The following RDM1 variants were observed in gnomAD, a reference collection of about 807,000 sequenced individuals.
RDM1 encodes the protein RAD52 motif containing 1.
A neutral mutation model predicts 27.7 loss-of-function variants in RDM1; 28 were observed. The observed-to-expected ratio is 1.01, with a 90% CI of 0.75 to 1.39. The LOEUF (loss-of-function observed/expected upper bound fraction) is 1.39, where lower values mean the gene tolerates loss of function less well. Ranked by LOEUF, RDM1 falls within the 40% of genes most tolerant of loss-of-function variation. The pLI is 0.00. For synonymous variants in RDM1, 124 were observed against 127.5 expected (o/e 0.97, Z 0.19); for missense variants, 277 against 337.3 (o/e 0.82, Z 1.40).
chr17:35,930,354 G>A (rs2089286787), intron 1 of RDM1, 99 bp from the exon 2 acceptor site: 2 of 1,459,866 alleles, frequency 1.4e-6, no homozygotes, highest in East Asian at 4.6e-5. Flanking sequence ...CGAAGGATGC[G>A]ATTCAAAACA....
intron 2 of RDM1, among the ~76,000 whole-genome samples, chr17:35,927,133 A>T (rs1192555324): frequency 7.9e-5 from 12 of 151,340 alleles, no homozygotes; most frequent in Non-Finnish European, 1.8e-4. Context: ...AAAAAAAAAA[A>T]AAAAAAAGAA....
In RDM1 at chr17:35,920,280, A is replaced by G; in HGVS notation, c.668-8T>C. ...CAGCTATTTTACCACTTTCTGAAAT[A>G]AAGTTAGCGAGGATCAATTCAGAAT... On this transcript the variant is annotated splice_polypyrimidine_tract_variant and splice_region_variant and intron_variant, in intron 5 of 6. Transcript: ENST00000620284. 6 of 1,460,740 alleles carry G rather than the reference A, an allele frequency of 4.1e-6. No individual in the cohort carries two copies. Among genetic ancestry groups the G allele is most frequent in the Non-Finnish European group, 3.8e-6 (4 of 1,051,464 alleles). The allele number at this position is 1,460,740 out of a possible 1,614,324, so 90.5% of individuals were successfully genotyped here.
At position 35,924,590 on chromosome 17, in the gene RDM1, C is replaced by T. The variant is rs1474454171; in HGVS notation, c.568+14G>A. The T allele has an allele frequency of 1.2e-6, 2 of 1,604,566 alleles. No homozygotes were observed. Among genetic ancestry groups the T allele is most frequent in the Non-Finnish European group, 1.7e-6 (2 of 1,173,348 alleles). On this transcript the variant is annotated intron_variant, in intron 4 of 6. Transcript: ENST00000620284. ...CCAAATCCCTACCCTCCTCCACTCC[C>T]AGTGAAAACAGACCTTCCTCCACCT...
At chr17:35,922,366 A>T (rs2088974526) in intron 5 of RDM1, 1 of 566,196 alleles carries the variant, frequency 1.8e-6, no homozygotes. Context: ...GTCTTTTCAC[A>T]TCTGTAAACT....
chr17:35,923,349 CAAAAAAAAA>C (rs1013511994), intron 4 of RDM1, among the ~76,000 whole-genome samples: 1 of 47,266 alleles, frequency 2.1e-5, no homozygotes, highest in Non-Finnish European at 4.2e-5. Flanking sequence ...GATTCTGTCT[CAAAAAAAAA>C]AAAAAAAAAA....
At position 35,921,567 on chromosome 17, in the gene RDM1, G is replaced by A. The variant is rs144909916; in HGVS notation, c.667+1010C>T. On this transcript the variant is annotated intron_variant, in intron 5 of 6. Coordinates refer to ENST00000620284, the MANE Select transcript of RDM1 (RefSeq NM_145654.4). ...TAGCATGACCAATTCCAAGGCTCACGGCAAAGCAGCTGATTTTTGTATAAG... is the reference window on the plus strand; with the variant it reads ...TAGCATGACCAATTCCAAGGCTCACAGCAAAGCAGCTGATTTTTGTATAAG... Among the ~76,000 whole-genome samples, 12 of 152,288 alleles carry A rather than the reference G, an allele frequency of 7.9e-5. 1 individual carries two copies. Among genetic ancestry groups the A allele is most frequent in the East Asian group, 7.7e-4 (4 of 5,188 alleles).
At position 35,920,240 on chromosome 17, in the gene RDM1, T is replaced by C. The variant is rs149365928; in HGVS notation, c.700A>G (p.Ser234Gly). Residue 234 changes from serine (S) to glycine (G), a missense_variant, in exon 6 of 7, where the codon AGT becomes GGT. Transcript: ENST00000620284. ...CATCTGACACCTACGATGTCTTCAC[T>C]GGGTCTGTACTCCACAGCTATTTTA... ...SGKIAVEYRP[S>G]EDIVGVRCEE... is the part of the protein sequence containing the mutation. 5 of 1,601,458 alleles carry C rather than the reference T, an allele frequency of 3.1e-6. No homozygotes were observed. The African/African-American group carries it at 6.7e-5, about 21-fold the overall frequency.
At position 35,924,572 on chromosome 17, in the gene RDM1, C is replaced by T. The variant is rs1415049611; in HGVS notation, c.568+32G>A. 3.1e-6 allele frequency: 5 copies of T among 1,587,540 alleles called. No individual in the cohort carries two copies. In the African/African-American group the frequency reaches 4.1e-5, roughly 13 times the overall value. ...AGAAAGATCCTTTCCACTCCAAATC[C>T]CTACCCTCCTCCACTCCCAGTGAAA... On this transcript the variant is annotated intron_variant, in intron 4 of 6. Transcript: ENST00000620284.
rs371540263 is a variant in RDM1 at position 35,920,288 on chromosome 17, C to T, written c.668-16G>A. 36 of 1,367,906 alleles carry T rather than the reference C, an allele frequency of 2.6e-5. No homozygotes were observed. In the African/African-American group the frequency reaches 3.2e-4, roughly 12 times the overall value. The allele number at this position is 1,367,906 out of a possible 1,614,324, so 84.7% of individuals were successfully genotyped here. ...TTACCACTTTCTGAAATAAAGTTAG[C>T]GAGGATCAATTCAGAATCTTTTTCA... On this transcript the variant is annotated splice_polypyrimidine_tract_variant and intron_variant, in intron 5 of 6. Coordinates refer to ENST00000620284, the MANE Select transcript of RDM1 (RefSeq NM_145654.4).
At chr17:35,928,387 T>G (rs2089220663) in intron 2 of RDM1, among the ~76,000 whole-genome samples, 1 of 152,136 alleles carries the variant, frequency 6.6e-6, no homozygotes, top group Non-Finnish European at 1.5e-5. Flanking sequence ...ATGATGATGA[T>G]GTGATGATGA....
At chr17:35,929,854 G>A (rs901331565) in intron 2 of RDM1, among the ~76,000 whole-genome samples, 1 of 152,168 alleles carries the variant, frequency 6.6e-6, no homozygotes, top group Admixed American at 6.5e-5. Flanking sequence ...GTAGGTTTTA[G>A]TTCAATCTCG....
intron 4 of RDM1, among the ~76,000 whole-genome samples, chr17:35,922,887 T>A (rs2088996567): frequency 6.6e-6 from 1 of 152,016 alleles, no homozygotes; most frequent in Admixed American, 6.6e-5. Context: ...GTTCCTGAGG[T>A]ACTAGAAGGG....
intron 6 of RDM1, among the ~76,000 whole-genome samples, chr17:35,919,306 T>C (rs541191100): frequency 6.6e-6 from 1 of 152,356 alleles, no homozygotes; most frequent in South Asian, 2.1e-4. Flanking sequence ...ACTTAATCCC[T>C]ATTTAAGAGC....
intron 5 of RDM1, among the ~76,000 whole-genome samples, 180 bp from the exon 6 acceptor site, chr17:35,920,452 C>CTT (rs1480971958): frequency 9.2e-5 from 11 of 119,542 alleles, no homozygotes; most frequent in Middle Eastern, 4.2e-3. Flanking sequence ...TTCTTTCTTT[C>CTT]TTTCTTTTTT....
chr17:35,918,655 G>C (rs947250542), intron 6 of RDM1, among the ~76,000 whole-genome samples: 1 of 152,166 alleles, frequency 6.6e-6, no homozygotes, highest in Non-Finnish European at 1.5e-5. Context: ...GTCTGGGAGA[G>C]AAGTTTGAAC....
rs2088817728 is a variant in RDM1, at chr17:35,918,390, C to G, written c.807G>C (p.Ser269=). ...ACTCTTCCTCCTCCAAGCTGAAATC[C>G]GAGAGATACCCTTCCTCCTCTTGGC... The part of the protein sequence containing the change: ...QYGQEEEGYL[S]DFSLEEEEFR... Residue 269 remains serine, a synonymous_variant, in exon 7 of 7, where the codon TCG becomes TCC. Transcript: ENST00000620284. The G allele has an allele frequency of 6.2e-7, 1 of 1,613,956 alleles. No homozygotes were observed. The highest frequency in any genetic ancestry group is 1.3e-5 in the African/African-American group (1 of 74,880).
intron 4 of RDM1, among the ~76,000 whole-genome samples, chr17:35,924,126 C>A (rs900781076): frequency 1.3e-5 from 2 of 151,936 alleles, no homozygotes; most frequent in African/African-American, 2.4e-5. Flanking sequence ...GAGGCTGAGG[C>A]AGGAGGATCC....
Position 35,925,552 on chromosome 17 carries a change from T to C in RDM1, c.362A>G (p.Tyr121Cys), listed in dbSNP as rs1490057704. The C allele has an allele frequency of 6.2e-7, 1 of 1,613,942 alleles. No individual in the cohort carries two copies. The highest frequency in any genetic ancestry group is 1.1e-5 in the South Asian group (1 of 91,064). Residue 121 changes from tyrosine to cysteine, a missense_variant, in exon 3 of 7, where the codon TAC becomes TGC. Transcript: ENST00000620284. Reference sequence around the variant, plus strand: ...TTTGGAACACCCATTGAAACCAAAGTAGTAATTCGCCAGTTCTTGGCATTT... The same window carrying C: ...TTTGGAACACCCATTGAAACCAAAGCAGTAATTCGCCAGTTCTTGGCATTT... ...SSKCQELANY[Y>C]FGFNGCSKRI...
At chr17:35,920,860 ATG>A (rs1168549346) in intron 5 of RDM1, among the ~76,000 whole-genome samples, 4 of 152,370 alleles carry the variant, frequency 2.6e-5, no homozygotes, top group African/African-American at 7.2e-5. Context: ...GAAATAAAAA[ATG>A]TGGAAACCAA....
Sources: gnomAD v4.1 joint callset for allele counts (sites outside exome capture counted in the v4.1 genomes callset) on GRCh38, gnomAD v4.1.1 for gene constraint, MANE v1.5 for transcripts, NCBI Gene and HGNC (gene_info 2026-07-23, HGNC 2026-07-21) for gene names.